The following SENP7 variants were observed in gnomAD, a reference collection of about 807,000 sequenced individuals.
SENP7 encodes the protein sentrin-specific protease 7.
In SENP7, 64 loss-of-function variants were observed where a neutral mutation model predicts 141.2. The ratio of observed to expected loss-of-function variants is 0.45; its 90% CI spans 0.37 to 0.56. The LOEUF is 0.56. Among genes scored for constraint, SENP7 ranks in the 20% least tolerant of loss-of-function variants. SENP7 has a pLI of 0.00. For synonymous variants in SENP7, 382 were observed against 426.4 expected (o/e 0.90, Z 1.28); for missense variants, 1,025 against 1,212.2 (o/e 0.85, Z 2.29).
At chr3:101,473,636 C>A (rs1411271224) in intron 3 of SENP7, among the ~76,000 whole-genome samples, 1 of 152,162 alleles carries the variant, frequency 6.6e-6, no homozygotes, top group Non-Finnish European at 1.5e-5. Context: ...GTATATTCGA[C>A]TTCTGTCAGA....
At chr3:101,350,468 T>C (rs1248311184) in intron 12 of SENP7, among the ~76,000 whole-genome samples, 7 of 152,072 alleles carry the variant, frequency 4.6e-5, no homozygotes, top group Non-Finnish European at 8.8e-5. Context: ...TGGACAGGAC[T>C]TGAGGAAGAA....
intron 4 of SENP7, among the ~76,000 whole-genome samples, chr3:101,445,901 A>G (rs1426041544): frequency 6.6e-6 from 1 of 152,214 alleles, no homozygotes; most frequent in Admixed American, 6.5e-5. Context: ...ACATATTATT[A>G]GAGTTAAAAA....
chr3:101,425,355 A>G (rs562239202), intron 4 of SENP7, among the ~76,000 whole-genome samples: 5 of 152,288 alleles, frequency 3.3e-5, no homozygotes, highest in South Asian at 4.1e-4. Context: ...GGTCTGATAC[A>G]AGTCCCACAG....
At chr3:101,428,226 T>G (rs1352555783) in intron 4 of SENP7, among the ~76,000 whole-genome samples, 1 of 152,240 alleles carries the variant, frequency 6.6e-6, no homozygotes, top group Non-Finnish European at 1.5e-5. Flanking sequence ...ATGGGATTGC[T>G]AGGTCAAATG....
chr3:101,493,761 C>T (rs116410313), intron 3 of SENP7, 112 bp downstream of exon 3: 27,927 of 605,118 alleles, frequency 0.046, 816 homozygotes, highest in Non-Finnish European at 0.059. Context: ...TTAAATAACA[C>T]AAGAAAACCA....
intron 3 of SENP7, among the ~76,000 whole-genome samples, chr3:101,482,917 A>G (rs537066612): frequency 1.3e-5 from 2 of 152,320 alleles, no homozygotes; most frequent in Admixed American, 6.5e-5. Context: ...ACCAGTCAGA[A>G]TGGCTATTAC....
At position 101,496,665 on chromosome 3, in the gene SENP7, G is replaced by A. The variant is rs140139922; in HGVS notation, c.91-2697C>T. Among the ~76,000 whole-genome samples, 624 of 147,258 alleles carry A rather than the reference G, an allele frequency of 4.2e-3. 3 individuals are homozygous for A. The highest frequency in any genetic ancestry group is 0.015 in the African/African-American group (579 of 39,924). On this transcript the variant is annotated intron_variant, in intron 2 of 23. Transcript: ENST00000394095. ...ACAACCTCAGCTAACTGCAACCTCC[G>A]CCCCCGAGTTCAAACAATCCTCCCA... is the stretch of plus-strand genomic sequence containing the variant.
intron 4 of SENP7, among the ~76,000 whole-genome samples, chr3:101,447,796 T>C (rs1311577516): frequency 2.8e-5 from 4 of 141,682 alleles, no homozygotes; most frequent in Non-Finnish European, 3.2e-5. Flanking sequence ...GAAAAAAAAA[T>C]AGCAAAGTTG....
At position 101,476,389 on chromosome 3, in the gene SENP7, G is replaced by A. The variant is rs1255885274; in HGVS notation, c.187-17337C>T. 3.3e-5 allele frequency among the ~76,000 whole-genome samples: 5 copies of A among 152,122 alleles called. No individual in the cohort carries two copies. The East Asian group carries it at 9.7e-4, about 29-fold the overall frequency. On this transcript the variant is annotated intron_variant, in intron 3 of 23. Transcript: ENST00000394095. ...CCTGTGTTAGTTTGCTGAAAATAAT[G>A]GTTTCCAGCTTCATCCATGTCCCTG...
intron 4 of SENP7, among the ~76,000 whole-genome samples, chr3:101,456,929 AATGAT>A (rs1405748878): frequency 7.9e-5 from 12 of 151,714 alleles, no homozygotes; most frequent in African/African-American, 2.4e-4. Context: ...GCCTGGCCTT[AATGAT>A]ATAAGCTTTT....
rs77296331 is a variant in SENP7, at chr3:101,373,326, A to G, written c.678-1200T>C. Reference sequence around the variant, plus strand: ...AACCCTCAAGAATCATTCTTGAAGAATAAGGGCATCTAAGCAAATTTATAC... The same window carrying G: ...AACCCTCAAGAATCATTCTTGAAGAGTAAGGGCATCTAAGCAAATTTATAC... On this transcript the variant is annotated intron_variant, in intron 6 of 23. Coordinates refer to ENST00000394095, the MANE Select transcript of SENP7 (RefSeq NM_020654.5). Among the ~76,000 whole-genome samples, 1,429 of 152,304 alleles carry G rather than the reference A, an allele frequency of 9.4e-3. 19 individuals carry two copies. The highest frequency in any genetic ancestry group is 0.037 in the South Asian group (178 of 4,830).
intron 6 of SENP7, among the ~76,000 whole-genome samples, chr3:101,389,560 C>G (rs1404672386): frequency 6.6e-6 from 1 of 151,778 alleles, no homozygotes; most frequent in Non-Finnish European, 1.5e-5. Flanking sequence ...GCAAAGTTAT[C>G]CTTCATAAAT....
At chr3:101,341,623 A>G in intron 15 of SENP7, 23 bp downstream of exon 15, 1 of 1,479,874 alleles carries the variant, frequency 6.8e-7, no homozygotes, top group Non-Finnish European at 9.1e-7. Flanking sequence ...CATCTACTAC[A>G]AACATGCTAT....
intron 7 of SENP7, among the ~76,000 whole-genome samples, chr3:101,369,929 A>G (rs148159627): frequency 3.1e-4 from 47 of 152,324 alleles, no homozygotes; most frequent in African/African-American, 1.0e-3. Flanking sequence ...AGTATTTCCA[A>G]GGTATTATGT....
At position 101,363,366 on chromosome 3, in the gene SENP7, A is replaced by G. The variant is rs932202045; in HGVS notation, c.1476+1468T>C. On this transcript the variant is annotated intron_variant, in intron 10 of 23. Transcript: ENST00000394095. Reference sequence around the variant, plus strand: ...AACTAGCTGGCTCCTAAAAATGACCAATCCATATTTCTCATAATTCATTTA... The same window carrying G: ...AACTAGCTGGCTCCTAAAAATGACCGATCCATATTTCTCATAATTCATTTA... Among the ~76,000 whole-genome samples, 19 of 152,338 alleles carry G rather than the reference A, an allele frequency of 1.2e-4. No individual in the cohort carries two copies. In the South Asian group the frequency reaches 1.4e-3, roughly 12 times the overall value.
intron 4 of SENP7, among the ~76,000 whole-genome samples, chr3:101,449,993 G>A (rs1022542648): frequency 2.0e-5 from 3 of 152,074 alleles, no homozygotes; most frequent in African/African-American, 7.2e-5. Context: ...ACACACATAG[G>A]CTCAAAATAA....
chr3:101,469,566 T>G (rs1445315134), intron 3 of SENP7, among the ~76,000 whole-genome samples: 1 of 117,490 alleles, frequency 8.5e-6, no homozygotes, highest in Non-Finnish European at 1.8e-5. Flanking sequence ...GGCTCACGCC[T>G]GTAATCCCAG....
At chr3:101,452,065 C>T (rs2063160073) in intron 4 of SENP7, among the ~76,000 whole-genome samples, 1 of 152,060 alleles carries the variant, frequency 6.6e-6, no homozygotes. Flanking sequence ...TCTTATACAC[C>T]AATAACAGAC....
chr3:101,495,035 T>C (rs146104935), intron 2 of SENP7, among the ~76,000 whole-genome samples: 3 of 152,278 alleles, frequency 2.0e-5, no homozygotes, highest in African/African-American at 7.2e-5. Flanking sequence ...TCTATCCGTC[T>C]GACAAACTCT....
Sources: allele counts gnomAD v4.1 joint callset (sites outside exome capture counted in the v4.1 genomes callset), GRCh38; gene constraint gnomAD v4.1.1; transcripts MANE v1.5; gene names NCBI Gene and HGNC (gene_info 2026-07-23, HGNC 2026-07-21).